Variants in BNC1 observed in about 807,000 individuals in gnomAD.
BNC1 encodes basonuclin zinc finger protein 1, also known as zinc finger protein basonuclin-1.
In BNC1, 8 loss-of-function variants were observed where a neutral mutation model predicts 66.5. That is an observed-to-expected ratio of 0.12 (90% CI 0.07 to 0.22). The LOEUF (loss-of-function observed/expected upper bound fraction) is 0.22. Among genes scored for constraint, BNC1 ranks in the 10% least tolerant of loss-of-function variants. The probability of loss-of-function intolerance (pLI) is 1.00; values close to 1 mark genes in which losing one functional copy is unlikely to be tolerated. For missense variants in BNC1, 1,069 were observed against 1,241.3 expected, an observed-to-expected ratio of 0.86 and a Z score of 2.09; for synonymous variants, 454 against 452.6, an observed-to-expected ratio of 1.00 and a Z score of -0.04.
At chr15:83,270,353 G>A (rs756202107) in intron 1 of BNC1, among the ~76,000 whole-genome samples, 5 of 152,190 alleles carry the variant, frequency 3.3e-5, no homozygotes, top group Non-Finnish European at 5.9e-5. Flanking sequence ...CTTGGGTATA[G>A]TCCTAGAACT....
chr15:83,281,316 T>C (rs1460665137), intron 1 of BNC1, among the ~76,000 whole-genome samples: 2 of 152,188 alleles, frequency 1.3e-5, no homozygotes, highest in East Asian at 1.9e-4. Flanking sequence ...CCAGTTATCT[T>C]TAACATCTCT....
rs991979361 is a variant in BNC1, at chr15:83,264,413, C to T, written c.838G>A (p.Val280Ile). Residue 280 changes from valine to isoleucine, a missense_variant, in exon 4 of 5, where the codon GTC becomes ATC. Val to Ile is a conservative substitution (Grantham distance 29). This residue lies in a region of BNC1 where 181 missense variants were observed against 181.5 expected (regional missense o/e 1.00). Coordinates refer to ENST00000345382, the MANE Select transcript of BNC1 (RefSeq NM_001717.4). The part of the protein sequence containing the change: ...HDQSQDPKQE[V>I]HGPFPDSSFL... ...CTGCTGTCAGGGAAGGGCCCATGGA[C>T]TTCCTGTTTGGGGTCCTGACTTTGG... The T allele has an allele frequency of 6.2e-7, 1 of 1,614,140 alleles. No individual in the cohort carries two copies. The highest frequency in any genetic ancestry group is 1.3e-5 in the African/African-American group (1 of 75,032).
Position 83,263,669 on chromosome 15 carries a change from G to A in BNC1, c.1582C>T (p.Pro528Ser), listed in dbSNP as rs1183160269. ...IPEQLISNEM[P>S]FDALPKKKSR... ...TTCTTCTTGGGAAGGGCATCAAATG[G>A]CATTTCGTTTGAAATGAGCTGTTCT... Residue 528 changes from proline (P) to serine (S), a missense_variant, in exon 4 of 5, where the codon CCA becomes TCA. Coordinates refer to ENST00000345382, the MANE Select transcript of BNC1 (RefSeq NM_001717.4). The A allele has an allele frequency of 6.2e-7, 1 of 1,614,074 alleles. No individual in the cohort carries two copies. The highest frequency in any genetic ancestry group is 2.2e-5 in the East Asian group (1 of 44,892).
rs2038167207 is a variant in BNC1 at position 83,263,298 on chromosome 15, A to C, written c.1953T>G (p.Asp651Glu). ...ALIMVPREVEDGGHEHYFTPG... is the reference protein window; with the variant it reads ...ALIMVPREVEEGGHEHYFTPG... ...GTGTGAAGTAGTGTTCATGGCCACCATCCTCGACCTCCCTTGGCACCATGA... is the reference window on the plus strand; with the variant it reads ...GTGTGAAGTAGTGTTCATGGCCACCCTCCTCGACCTCCCTTGGCACCATGA... Residue 651 changes from aspartate (D) to glutamate (E), a missense_variant, in exon 4 of 5, where the codon GAT (aspartate) becomes GAG (glutamate). Physicochemically the swap from Asp to Glu is conservative, Grantham distance 45. This residue lies in a region of BNC1 where 657 missense variants were observed against 715.8 expected (regional missense o/e 0.92). Coordinates refer to ENST00000345382, the MANE Select transcript of BNC1 (RefSeq NM_001717.4). The C allele has an allele frequency of 6.2e-7, 1 of 1,614,190 alleles. No individual in the cohort carries two copies. The highest frequency in any genetic ancestry group is 8.5e-7 in the Non-Finnish European group (1 of 1,180,040).
At chr15:83,276,308 G>T (rs953269010) in intron 1 of BNC1, among the ~76,000 whole-genome samples, 4 of 152,154 alleles carry the variant, frequency 2.6e-5, no homozygotes, top group African/African-American at 9.7e-5. Flanking sequence ...CCCTAAAAAA[G>T]TTGCTTCACA....
intron 1 of BNC1, among the ~76,000 whole-genome samples, chr15:83,271,425 A>C (rs943619531): frequency 5.9e-5 from 9 of 152,258 alleles, no homozygotes; most frequent in Non-Finnish European, 1.0e-4. Flanking sequence ...AAATAGCAAC[A>C]GCATTACCTA....
intron 1 of BNC1, among the ~76,000 whole-genome samples, chr15:83,276,613 T>G (rs1299419900): frequency 6.6e-6 from 1 of 152,330 alleles, no homozygotes; most frequent in East Asian, 1.9e-4. Context: ...GGTGAAGTAT[T>G]GTAGAAAACT....
At position 83,264,156 on chromosome 15, in the gene BNC1, G is replaced by T. The variant is rs117340847; in HGVS notation, c.1095C>A (p.Thr365=). Residue 365 remains threonine, a synonymous_variant, in exon 4 of 5, where the codon ACC becomes ACA. Coordinates refer to ENST00000345382, the MANE Select transcript of BNC1 (RefSeq NM_001717.4). The part of the protein sequence containing the change: ...GRVFCTACEK[T]FYDKGTLKIH... The stretch of plus-strand genomic sequence containing the variant: ...TTTTGAGGGTGCCTTTGTCATAGAA[G>T]GTCTTCTCACATGCAGTGCAGAACA... 2.8e-4 allele frequency: 444 copies of T among 1,614,118 alleles called. 5 individuals carry two copies. The East Asian group carries it at 9.5e-3, about 35-fold the overall frequency.
rs775112994 is a variant in BNC1, at chr15:83,284,530, C to T, written c.99G>A (p.Glu33=). 1 of 1,190,172 alleles carries T rather than the reference C, an allele frequency of 8.4e-7. No homozygotes were observed. The highest frequency in any genetic ancestry group is 2.0e-5 in the South Asian group (1 of 50,562). The allele number at this position is 1,190,172 out of a possible 1,614,324, so 73.7% of individuals were successfully genotyped here. The change falls in exon 1 of 5, where the codon GAG becomes GAA. Residue 33 remains glutamate (E), a splice_region_variant and synonymous_variant. Transcript: ENST00000345382. The part of the protein sequence containing the change: ...PRHRSGRRMA[E]AISCTLNCSC... ...CGCCCGCGGAGGGCGCCGCGCTTAC[C>T]TCGGCCATCCTGCGACCGCTGCGGT...
At position 83,266,959 on chromosome 15, in the gene BNC1, G is replaced by A; in HGVS notation, c.312C>T (p.Ile104=). Residue 104 remains isoleucine (I), a synonymous_variant, in exon 3 of 5, where the codon ATC becomes ATT. Transcript: ENST00000345382. ...SSLMLYGTQA[I]PVRLKILLDR... ...CCAGTAGGATTTTTAGGCGAACGGG[G>A]ATGGCCTGGGTCCCATAGAGCATGA... 6.2e-7 allele frequency: 1 copy of A among 1,614,162 alleles called. No individual in the cohort carries two copies. The highest frequency in any genetic ancestry group is 8.5e-7 in the Non-Finnish European group (1 of 1,180,010).
chr15:83,272,873 T>A (rs980138538), intron 1 of BNC1, among the ~76,000 whole-genome samples: 2 of 152,194 alleles, frequency 1.3e-5, no homozygotes. Context: ...GTTCTGTATG[T>A]ACGACATCTG....
chr15:83,260,228 C>T (rs945319454), intron 4 of BNC1, among the ~76,000 whole-genome samples: 1 of 152,190 alleles, frequency 6.6e-6, no homozygotes, highest in African/African-American at 2.4e-5. Flanking sequence ...GAGAATCTAG[C>T]TGTCTTCTAC....
chr15:83,279,493 C>T (rs1286914025), intron 1 of BNC1, among the ~76,000 whole-genome samples: 2 of 152,156 alleles, frequency 1.3e-5, no homozygotes, highest in African/African-American at 4.8e-5. Context: ...GGCATGCTCT[C>T]ATCAGTGCAT....
At chr15:83,269,811 GAA>G (rs967579819) in intron 1 of BNC1, among the ~76,000 whole-genome samples, 1 of 151,994 alleles carries the variant, frequency 6.6e-6, no homozygotes, top group Admixed American at 6.6e-5. Context: ...CCAAAAAGTA[GAA>G]AAAACCCCAA....
chr15:83,280,227 A>T (rs1456742523), intron 1 of BNC1, among the ~76,000 whole-genome samples: 2 of 152,228 alleles, frequency 1.3e-5, no homozygotes, highest in African/African-American at 2.4e-5. Context: ...ACAGAAATGT[A>T]AATTATATGG....
intron 1 of BNC1, chr15:83,283,470 A>G: frequency 3.0e-6 from 3 of 985,186 alleles, no homozygotes; most frequent in Non-Finnish European, 3.6e-6. Flanking sequence ...GGCGCTCCCG[A>G]GACGGGCGAG....
At chr15:83,280,262 A>G (rs886931617) in intron 1 of BNC1, among the ~76,000 whole-genome samples, 7 of 152,242 alleles carry the variant, frequency 4.6e-5, no homozygotes, top group African/African-American at 1.7e-4. Flanking sequence ...TTATAACCTA[A>G]TTTGGGAAAC....
At chr15:83,261,517 A>G (rs2038140165) in intron 4 of BNC1, among the ~76,000 whole-genome samples, 1 of 152,140 alleles carries the variant, frequency 6.6e-6, no homozygotes, top group South Asian at 2.1e-4. Flanking sequence ...ATCATATTCC[A>G]TTTCATCAGG....
chr15:83,261,684 G>A lies in BNC1; in HGVS notation c.2300+1267C>T, dbSNP rs2038142326. On this transcript the variant is annotated intron_variant, in intron 4 of 4. Coordinates refer to ENST00000345382, the MANE Select transcript of BNC1 (RefSeq NM_001717.4). ...ACAGTAACACCACTGCTATCCCCAC[G>A]GTGATGAGATATGCTCTATAGCGGG... 3.9e-5 allele frequency among the ~76,000 whole-genome samples: 6 copies of A among 152,274 alleles called. No individual in the cohort carries two copies. In the South Asian group the frequency reaches 1.2e-3, roughly 32 times the overall value.
Sources: allele counts gnomAD v4.1 joint callset (sites outside exome capture counted in the v4.1 genomes callset), GRCh38; gene constraint gnomAD v4.1.1; regional missense constraint gnomAD v4.1.1; transcripts MANE v1.5; gene names NCBI Gene and HGNC (gene_info 2026-07-23, HGNC 2026-07-21).